Variants in FMR1NB observed in about 807,000 individuals in gnomAD.
FMR1NB encodes the protein FMR1 neighbor protein.
In FMR1NB, 10 loss-of-function variants were observed where a neutral mutation model predicts 16.8. The ratio of observed to expected loss-of-function variants is 0.60; its 90% confidence interval spans 0.37 to 1.01. The LOEUF is 1.01. Ranked by LOEUF, FMR1NB falls within the 50% of genes least tolerant of loss-of-function variation. The pLI is 0.01. For missense variants in FMR1NB, 205 were observed against 204.8 expected, an observed-to-expected ratio of 1.00 and a Z score of 0.00; for synonymous variants, 83 against 79.1, an observed-to-expected ratio of 1.05 and a Z score of -0.26.
intron 1 of FMR1NB, among the ~76,000 whole-genome samples, chrX:147,985,615 A>G (rs1372689833): frequency 1.8e-5 from 2 of 111,699 alleles, no homozygotes; most frequent in African/African-American, 6.5e-5. Context: ...GATGGTTCCC[A>G]ACTTCATCCA....
intron 4 of FMR1NB, among the ~76,000 whole-genome samples, chrX:148,012,410 C>T (rs2044629855): frequency 8.9e-6 from 1 of 111,879 alleles, no homozygotes; most frequent in Non-Finnish European, 1.9e-5. Flanking sequence ...TAATACCATG[C>T]CTGTTAAATT....
intron 1 of FMR1NB, among the ~76,000 whole-genome samples, chrX:147,986,461 T>C (rs1220608956): frequency 2.0e-4 from 23 of 112,198 alleles, no homozygotes; most frequent in African/African-American, 7.1e-4. Flanking sequence ...AGGTCTTATG[T>C]TTAAGTCTTT....
chrX:148,016,318 C>T (rs1204452640), intron 4 of FMR1NB, among the ~76,000 whole-genome samples: 1 of 110,971 alleles, frequency 9.0e-6, no homozygotes, highest in African/African-American at 3.3e-5. Flanking sequence ...TTTTTCATTC[C>T]TTTATTTTCA....
chrX:148,020,642 G>A (rs1557190528), intron 4 of FMR1NB, among the ~76,000 whole-genome samples: 2 of 111,702 alleles, frequency 1.8e-5, no homozygotes, highest in African/African-American at 6.5e-5. Context: ...CTTTAAGGCA[G>A]TAGATTGTCT....
At chrX:147,992,084 T>G (rs190371168) in intron 1 of FMR1NB, among the ~76,000 whole-genome samples, 2,274 of 108,013 alleles carry the variant, frequency 0.021, no homozygotes, top group African/African-American at 0.05. Flanking sequence ...GGCAACTATC[T>G]GACTTCTCAA....
intron 4 of FMR1NB, among the ~76,000 whole-genome samples, chrX:148,017,017 A>G (rs781853410): frequency 5.0e-4 from 56 of 111,353 alleles, no homozygotes; most frequent in Non-Finnish European, 8.7e-4. Flanking sequence ...AAAGTATTCA[A>G]TGTAGCATTT....
At chrX:147,991,647 CTT>C (rs782065632) in intron 1 of FMR1NB, among the ~76,000 whole-genome samples, 6,947 of 87,264 alleles carry the variant, frequency 0.08, 271 homozygotes, top group African/African-American at 0.11. Flanking sequence ...GGCCTTCCTT[CTT>C]TTTTTTTTTT....
chrX:148,005,520 T>A (rs2044592043), intron 2 of FMR1NB, among the ~76,000 whole-genome samples: 1 of 111,745 alleles, frequency 8.9e-6, no homozygotes, highest in African/African-American at 3.3e-5. Context: ...ACTTAGAATA[T>A]AGAACAACAA....
intron 1 of FMR1NB, among the ~76,000 whole-genome samples, chrX:148,001,272 A>C (rs2044569016): frequency 8.9e-6 from 1 of 112,307 alleles, no homozygotes; most frequent in African/African-American, 3.2e-5. Context: ...TTCTCTCCAA[A>C]TGAGTCTACA....
At chrX:148,015,938 A>G (rs987359339) in intron 4 of FMR1NB, among the ~76,000 whole-genome samples, 7 of 112,213 alleles carry the variant, frequency 6.2e-5, no homozygotes, top group Middle Eastern at 4.7e-3. Context: ...ACAGGGGTCT[A>G]TCTCTATCTT....
chrX:148,004,272 A>G (rs1331602761), intron 2 of FMR1NB, among the ~76,000 whole-genome samples: 1 of 112,334 alleles, frequency 8.9e-6, no homozygotes, highest in African/African-American at 3.2e-5. Context: ...AACAACAACT[A>G]ATGATGATTT....
chrX:148,007,829 GTAT>G (rs2044604619), intron 3 of FMR1NB, among the ~76,000 whole-genome samples: 1 of 111,475 alleles, frequency 9.0e-6, no homozygotes, highest in Admixed American at 9.6e-5. Flanking sequence ...TGAATATGTA[GTAT>G]TAATACTGGA....
At chrX:147,986,863 A>G (rs782482554) in intron 1 of FMR1NB, among the ~76,000 whole-genome samples, 1 of 111,907 alleles carries the variant, frequency 8.9e-6, no homozygotes, top group Non-Finnish European at 1.9e-5. Context: ...GAAGAAAGCC[A>G]ATGGTATCTT....
intron 3 of FMR1NB, chrX:148,008,069 G>GTTTAA (rs2044606003): frequency 8.9e-6 from 1 of 112,091 alleles, no homozygotes; most frequent in South Asian, 3.7e-4. Context: ...TTGATTCCTT[G>GTTTAA]TTTAATTTAA....
intron 4 of FMR1NB, among the ~76,000 whole-genome samples, chrX:148,019,896 A>G: frequency 9.0e-6 from 1 of 111,670 alleles, no homozygotes; most frequent in East Asian, 2.9e-4. Flanking sequence ...GGCCCACTGT[A>G]ATCACTACCT....
chrX:148,011,350 A>G (rs969318917), intron 4 of FMR1NB, among the ~76,000 whole-genome samples: 9 of 111,417 alleles, frequency 8.1e-5, no homozygotes, highest in Non-Finnish European at 1.7e-4. Flanking sequence ...GAAAAGGGTA[A>G]TTATGCACCA....
chrX:148,005,550 C>T (rs1177275919), intron 2 of FMR1NB, among the ~76,000 whole-genome samples: 2 of 111,756 alleles, frequency 1.8e-5, no homozygotes, highest in African/African-American at 6.5e-5. Context: ...ACTCTCATGT[C>T]TAAAATGTTT....
chrX:147,996,437 C>G (rs782677384), intron 1 of FMR1NB, among the ~76,000 whole-genome samples: 2 of 110,883 alleles, frequency 1.8e-5, no homozygotes, highest in Non-Finnish European at 3.8e-5. Context: ...CTGTTTGAGG[C>G]CAACACCCAG....
chrX:147,991,429 A>G (rs1311311763), intron 1 of FMR1NB, among the ~76,000 whole-genome samples: 1 of 109,039 alleles, frequency 9.2e-6, no homozygotes, highest in Non-Finnish European at 1.9e-5. Flanking sequence ...TCTTCTTTCC[A>G]TGCTCTCCCC....
Sources: allele counts gnomAD v4.1 joint callset (sites outside exome capture counted in the v4.1 genomes callset), GRCh38; gene constraint gnomAD v4.1.1; transcripts MANE v1.5; gene names NCBI Gene and HGNC (gene_info 2026-07-23, HGNC 2026-07-21).